ELF2: variants seen among roughly 807,000 people sequenced by gnomAD.
ELF2 encodes the protein E74 like ETS transcription factor 2.
ELF2 carries 11 observed loss-of-function variants against 54.8 expected under a neutral mutation model. The observed-to-expected ratio is 0.20, with a 90% CI of 0.13 to 0.33. The LOEUF (loss-of-function observed/expected upper bound fraction) is 0.33. Ranked by LOEUF, ELF2 falls within the 10% of genes least tolerant of loss-of-function variation. The probability of loss-of-function intolerance (pLI) is 1.00; values close to 1 mark genes in which losing one functional copy is unlikely to be tolerated. For synonymous variants in ELF2, 203 were observed against 245.1 expected (o/e 0.83, Z 1.61); for missense variants, 513 against 703.0 (o/e 0.73, Z 3.06).
chr4:139,060,570 C>G lies in ELF2; in HGVS notation c.911G>C (p.Ser304Thr), dbSNP rs1326158082. The change falls in exon 9 of 10, where the codon AGT becomes ACT. Residue 304 changes from serine to threonine, a missense_variant. Transcript: ENST00000686138. ...KNIVVIDDDK[S>T]ETCNEDLAGT... ...TGCTAAATCTTCATTACAGGTTTCACTTTTGTCATCATCTATGACCACTAT... is the reference window on the plus strand; with the variant it reads ...TGCTAAATCTTCATTACAGGTTTCAGTTTTGTCATCATCTATGACCACTAT... The G allele has an allele frequency of 6.2e-7, 1 of 1,614,184 alleles. No homozygotes were observed. Among genetic ancestry groups the G allele is most frequent in the African/African-American group, 1.3e-5 (1 of 75,044 alleles).
chr4:139,074,781 AAT>A (rs1479402511), intron 4 of ELF2, among the ~76,000 whole-genome samples: 1 of 151,858 alleles, frequency 6.6e-6, no homozygotes, highest in Non-Finnish European at 1.5e-5. Context: ...ACAAAAAGAA[AAT>A]ATTGCAGGGG....
chr4:139,103,784 A>G (rs1734152151), intron 4 of ELF2, among the ~76,000 whole-genome samples: 1 of 152,212 alleles, frequency 6.6e-6, no homozygotes, highest in African/African-American at 2.4e-5. Context: ...GGTCGGGAGA[A>G]ATCCCACACA....
At chr4:139,116,760 A>G (rs1735761190) in intron 4 of ELF2, 1 of 983,756 alleles carries the variant, frequency 1.0e-6, no homozygotes, top group Non-Finnish European at 1.2e-6. Context: ...CCCTGTGGCA[A>G]CAATATTTTC....
At position 139,057,673 on chromosome 4, in the gene ELF2, A is replaced by C. The variant is rs970649855; in HGVS notation, c.*1310T>G. ...TTCATTACGTTAAGCAGAACATTAT[A>C]GTTCATCATAATTAGAAAGAAACTG... On this transcript the variant is annotated 3_prime_UTR_variant, in exon 10 of 10. Coordinates refer to ENST00000686138, the MANE Select transcript of ELF2 (RefSeq NM_001331036.3). 10 of 152,276 alleles carry C rather than the reference A, an allele frequency of 6.6e-5. No homozygotes were observed. Among genetic ancestry groups the C allele is most frequent in the Admixed American group, 6.5e-4 (10 of 15,282 alleles). The allele number at this position is 152,276 out of a possible 1,614,324, so 9.4% of individuals were successfully genotyped here.
rs1320619303 is a variant in ELF2, at chr4:139,176,985, G to A, written c.-270C>T. 6.6e-6 allele frequency: 1 copy of A among 152,220 alleles called. No individual in the cohort carries two copies. The highest frequency in any genetic ancestry group is 1.5e-5 in the Non-Finnish European group (1 of 68,056). The allele number at this position is 152,220 out of a possible 1,614,324, so 9.4% of individuals were successfully genotyped here. On this transcript the variant is annotated 5_prime_UTR_variant, in exon 1 of 10. Coordinates refer to ENST00000686138, the MANE Select transcript of ELF2 (RefSeq NM_001331036.3). ...CTCTTACCTGCTCTCCGCGACGCCT[G>A]GGAAGACCGCGGCGTCCTTTTCCCT...
intron 4 of ELF2, among the ~76,000 whole-genome samples, chr4:139,121,344 G>A (rs914578469): frequency 2.0e-5 from 3 of 151,670 alleles, no homozygotes; most frequent in East Asian, 1.9e-4. Context: ...TCCTGACCTC[G>A]TGATTCACCC....
intron 1 of ELF2, among the ~76,000 whole-genome samples, chr4:139,164,561 TG>T (rs1261923089): frequency 6.6e-6 from 1 of 152,122 alleles, no homozygotes; most frequent in Admixed American, 6.6e-5. Flanking sequence ...CACTTGAACC[TG>T]GGAAGTAGAG....
At chr4:139,144,287 G>C (rs1313453421) in intron 1 of ELF2, among the ~76,000 whole-genome samples, 2 of 152,084 alleles carry the variant, frequency 1.3e-5, no homozygotes, top group South Asian at 2.1e-4. Flanking sequence ...CTAATATAGG[G>C]AGCAGTGGAG....
intron 4 of ELF2, among the ~76,000 whole-genome samples, chr4:139,112,734 C>T (rs936535692): frequency 2.6e-5 from 4 of 151,122 alleles, no homozygotes; most frequent in African/African-American, 9.7e-5. Flanking sequence ...ATTTATTGAT[C>T]ATTCTTGGGT....
intron 4 of ELF2, among the ~76,000 whole-genome samples, chr4:139,114,395 C>A (rs1236107696): frequency 2.0e-5 from 3 of 151,958 alleles, no homozygotes; most frequent in Non-Finnish European, 2.9e-5. Context: ...ATGGTGAAAC[C>A]CCATCTCTAC....
At chr4:139,158,506 TA>T (rs1292606383) in intron 1 of ELF2, among the ~76,000 whole-genome samples, 1 of 152,090 alleles carries the variant, frequency 6.6e-6, no homozygotes, top group African/African-American at 2.4e-5. Context: ...CAAGCGGGAT[TA>T]GGGGCGACGT....
At chr4:139,063,156 G>A (rs1728139739) in intron 7 of ELF2, among the ~76,000 whole-genome samples, 1 of 152,136 alleles carries the variant, frequency 6.6e-6, no homozygotes, top group South Asian at 2.1e-4. Context: ...TACTTGGGAG[G>A]CTGAGGCATG....
chr4:139,127,253 C>T (rs1305599714), intron 3 of ELF2, among the ~76,000 whole-genome samples: 2 of 152,190 alleles, frequency 1.3e-5, no homozygotes, highest in Admixed American at 6.5e-5. Flanking sequence ...TACAGAACAG[C>T]GTTCTTCATG....
At chr4:139,172,262 T>TTAC (rs1742380997) in intron 1 of ELF2, among the ~76,000 whole-genome samples, 2 of 152,232 alleles carry the variant, frequency 1.3e-5, no homozygotes, top group Non-Finnish European at 2.9e-5. Flanking sequence ...TAATCTCCCC[T>TTAC]TACCTACAGC....
chr4:139,111,075 A>T (rs1734903200), intron 4 of ELF2, among the ~76,000 whole-genome samples: 1 of 152,200 alleles, frequency 6.6e-6, no homozygotes, highest in Non-Finnish European at 1.5e-5. Context: ...AAAGAAAAAA[A>T]ATCCATTATA....
intron 1 of ELF2, among the ~76,000 whole-genome samples, chr4:139,163,998 G>A (rs1439965345): frequency 1.3e-5 from 2 of 148,328 alleles, no homozygotes; most frequent in Non-Finnish European, 3.0e-5. Context: ...AAGAAGGAAA[G>A]GAAAGGGGCA....
chr4:139,155,544 A>C (rs903992522), intron 1 of ELF2: 1 of 152,258 alleles, frequency 6.6e-6, no homozygotes, highest in African/African-American at 2.4e-5. Context: ...CAGGAGTTCG[A>C]GACTAACCTG....
intron 4 of ELF2, among the ~76,000 whole-genome samples, chr4:139,120,418 C>T (rs1736196997): frequency 6.6e-6 from 1 of 152,094 alleles, no homozygotes; most frequent in Non-Finnish European, 1.5e-5. Flanking sequence ...AATCCTATAT[C>T]CAACTGAAAT....
intron 4 of ELF2, among the ~76,000 whole-genome samples, chr4:139,110,236 A>T (rs1218244147): frequency 6.6e-6 from 1 of 152,208 alleles, no homozygotes; most frequent in East Asian, 1.9e-4. Context: ...AAAGCTGCTG[A>T]CCATAGCAGA....
Sources: allele counts gnomAD v4.1 joint callset (sites outside exome capture counted in the v4.1 genomes callset), GRCh38; gene constraint gnomAD v4.1.1; transcripts MANE v1.5; gene names NCBI Gene and HGNC (gene_info 2026-07-23, HGNC 2026-07-21).